Variants in DISP2 observed in about 807,000 individuals in gnomAD.
DISP2 encodes the protein dispatched RND transporter family member 2, also known as protein dispatched homolog 2.
DISP2 carries 59 observed loss-of-function variants against 95.5 expected under a neutral mutation model. The ratio of observed to expected loss-of-function variants is 0.62; its 90% CI spans 0.50 to 0.77. DISP2 has a LOEUF of 0.77. Among genes scored for constraint, DISP2 ranks in the 30% least tolerant of loss-of-function variants. The probability of loss-of-function intolerance (pLI) is 0.00; values close to 1 mark genes in which losing one functional copy is unlikely to be tolerated. For missense variants in DISP2, 1,752 were observed against 1,854.6 expected (o/e 0.94, Z 1.02); for synonymous variants, 827 against 815.0 (o/e 1.01, Z -0.25).
At position 40,363,715 on chromosome 15, in the gene DISP2, A is replaced by G; in HGVS notation, c.210A>G (p.Ser70=). ...CCCTGGAGGACCCTTCCAGCTCTTC[A>G]GGACCCCCACCAACAACTTCCACCC... ...SCPLEDPSSS[S]GPPPTTSTLQ... Residue 70 remains serine (S), a synonymous_variant, in exon 2 of 8, where the codon TCA becomes TCG. Coordinates refer to ENST00000267889, the MANE Select transcript of DISP2 (RefSeq NM_033510.3). The G allele has an allele frequency of 6.2e-7, 1 of 1,612,324 alleles. No homozygotes were observed. The highest frequency in any genetic ancestry group is 8.5e-7 in the Non-Finnish European group (1 of 1,179,070).
Position 40,364,454 on chromosome 15 carries a change from C to T in DISP2, c.513C>T (p.Ala171=), listed in dbSNP as rs765464880. ...AGCTGATTGCTGAGTGGCCAGTGGC[C>T]GTGCTGATGCTGTGTCTGGCTGTCA... ...YSQLIAEWPV[A]VLMLCLAVIF... is the part of the protein sequence containing the mutation. Residue 171 remains alanine, a synonymous_variant, in exon 4 of 8, where the codon GCC becomes GCT. Coordinates refer to ENST00000267889, the MANE Select transcript of DISP2 (RefSeq NM_033510.3). The T allele has an allele frequency of 4.3e-6, 7 of 1,613,892 alleles. No individual in the cohort carries two copies. Among genetic ancestry groups the T allele is most frequent in the East Asian group, 2.2e-5 (1 of 44,890 alleles).
At position 40,375,630 on chromosome 15, in the gene DISP2, C is replaced by G. The variant is rs904741845; in HGVS notation, c.*5312C>G. The stretch of plus-strand genomic sequence containing the variant: ...ACCAAAGCCACAACTTACCTACCCC[C>G]GCTCCTGCCTGCTCCTCTCCCCATC... On this transcript the variant is annotated 3_prime_UTR_variant, in exon 8 of 8. Transcript: ENST00000267889. 3.3e-5 allele frequency: 5 copies of G among 152,170 alleles called. No individual in the cohort carries two copies. Among genetic ancestry groups the G allele is most frequent in the Admixed American group, 1.3e-4 (2 of 15,278 alleles). The allele number at this position is 152,170 out of a possible 1,614,324, so 9.4% of individuals were successfully genotyped here.
At position 40,369,962 on chromosome 15, in the gene DISP2, TC is replaced by T. The variant is rs1889608464; in HGVS notation, c.3852del (p.Ser1285GlnfsTer16). The T allele has an allele frequency of 6.2e-7, 1 of 1,611,026 alleles. No individual in the cohort carries two copies. The highest frequency in any genetic ancestry group is 8.5e-7 in the Non-Finnish European group (1 of 1,178,534). On this transcript the variant is annotated frameshift_variant, in exon 8 of 8. Transcript: ENST00000267889. LOFTEE classifies it high-confidence loss of function. ...KAADPPDGFC[S>X]SASTLEGLSV... Reference sequence around the variant, plus strand: ...TGCAGATCCTCCTGATGGCTTCTGTTCCTCAGCCAGCACCCTGGAGGGGCTC... The same window carrying T: ...TGCAGATCCTCCTGATGGCTTCTGTTCTCAGCCAGCACCCTGGAGGGGCTC...
Position 40,368,349 on chromosome 15 carries a change from TCGAG to T in DISP2, c.2240_2243del (p.Glu747AlafsTer49), listed in dbSNP as rs1280393840. On this transcript the variant is annotated frameshift_variant, in exon 8 of 8. Coordinates refer to ENST00000267889, the MANE Select transcript of DISP2 (RefSeq NM_033510.3). LOFTEE classifies it high-confidence loss of function. ...CAGGTCTTCCGGCCCAGCCACCCCT[TCGAG>T]CGCTTCGACGCGGAGTATCGCCAGC... The T allele has an allele frequency of 6.2e-7, 1 of 1,605,418 alleles. No homozygotes were observed. The highest frequency in any genetic ancestry group is 1.1e-5 in the South Asian group (1 of 91,012).
rs548231940 is a variant in DISP2, at chr15:40,378,093, A to C, written c.*7775A>C. ...GAGCACCCAAAAATGTAAAATTCACAATGGCTGGTTTTCCAATAAAAAATT... is the reference window on the plus strand; with the variant it reads ...GAGCACCCAAAAATGTAAAATTCACCATGGCTGGTTTTCCAATAAAAAATT... On this transcript the variant is annotated 3_prime_UTR_variant, in exon 8 of 8. Transcript: ENST00000267889. The C allele has an allele frequency of 6.6e-6, 1 of 152,368 alleles. No individual in the cohort carries two copies. Among genetic ancestry groups the C allele is most frequent in the East Asian group, 1.9e-4 (1 of 5,194 alleles). The allele number at this position is 152,368 out of a possible 1,614,324, so 9.4% of individuals were successfully genotyped here. A position where few individuals can be genotyped will look rare whatever the true frequency, so the allele number is the denominator to read the frequency against.
At position 40,367,950 on chromosome 15, in the gene DISP2, C is replaced by T. The variant is rs780892506; in HGVS notation, c.1838C>T (p.Pro613Leu). 5.7e-6 allele frequency: 9 copies of T among 1,581,830 alleles called. No homozygotes were observed. The highest frequency in any genetic ancestry group is 2.3e-5 in the East Asian group (1 of 43,614). ...TATGCCAGCTACCTGAGCCGCCTGC[C>T]GGCCGTTCGCTGCCTCGCCCTCTTC... ...AFYASYLSRL[P>L]AVRCLALFMG... Residue 613 changes from proline (P) to leucine (L), a missense_variant, in exon 8 of 8, where the codon CCG becomes CTG. By Grantham distance (98) the Pro-to-Leu change is moderately conservative. Transcript: ENST00000267889.
In DISP2 at chr15:40,371,801, G is replaced by T. The variant is rs770129259; in HGVS notation, c.*1483G>T. 1 of 152,220 alleles carries T rather than the reference G, an allele frequency of 6.6e-6. No homozygotes were observed. The highest frequency in any genetic ancestry group is 1.5e-5 in the Non-Finnish European group (1 of 68,042). The allele number at this position is 152,220 out of a possible 1,614,324, so 9.4% of individuals were successfully genotyped here. ...TATGGTATTACAAGGGGACAGAGGT[G>T]TGGAAGAAAAATTGAACACCACCCT... On this transcript the variant is annotated 3_prime_UTR_variant, in exon 8 of 8. Transcript: ENST00000267889.
intron 1 of DISP2, 132 bp downstream of exon 1, chr15:40,358,572 C>T: frequency 7.6e-6 from 5 of 661,188 alleles, no homozygotes; most frequent in Non-Finnish European, 1.1e-5. Flanking sequence ...CCCGGGGTCG[C>T]CAAGCTCCAG....
Position 40,367,836 on chromosome 15 carries a change from C to G in DISP2, c.1724C>G (p.Ser575Trp). Residue 575 changes from serine (S) to tryptophan (W), a missense_variant, in exon 8 of 8, where the codon TCG becomes TGG. Ser to Trp is a radical substitution (Grantham distance 177). Around this residue, in one of 5 missense-constraint regions of DISP2, gnomAD observed 732 missense variants for 714.6 expected, o/e 1.02. Coordinates refer to ENST00000267889, the MANE Select transcript of DISP2 (RefSeq NM_033510.3). Reference protein sequence around the residue: ...LWRLSKSQLPSGGLAQRVGRT... With the variant: ...LWRLSKSQLPWGGLAQRVGRT... Reference sequence around the variant, plus strand: ...CGCCTTAGCAAGAGCCAGCTGCCGTCGGGGGGGCTGGCGCAGCGCGTGGGC... The same window carrying G: ...CGCCTTAGCAAGAGCCAGCTGCCGTGGGGGGGGCTGGCGCAGCGCGTGGGC... 6.2e-7 allele frequency: 1 copy of G among 1,601,502 alleles called. No individual in the cohort carries two copies. Among genetic ancestry groups the G allele is most frequent in the Non-Finnish European group, 8.5e-7 (1 of 1,179,858 alleles).
At position 40,358,255 on chromosome 15, in the gene DISP2, C is replaced by CCGCCGT. The variant is rs1215036136; in HGVS notation, c.-62_-61insTCGCCG. On this transcript the variant is annotated 5_prime_UTR_variant, in exon 1 of 8. Coordinates refer to ENST00000267889, the MANE Select transcript of DISP2 (RefSeq NM_033510.3). The stretch of plus-strand genomic sequence containing the variant: ...CACCCCGCCGCCGCTGCCGCCGCCA[C>CCGCCGT]CGCCGCCGCCGCCGCCGCCGCCGCG... 2 of 861,312 alleles carry CCGCCGT rather than the reference C, an allele frequency of 2.3e-6. No individual in the cohort carries two copies. Among genetic ancestry groups the CCGCCGT allele is most frequent in the African/African-American group, 4.8e-5 (2 of 42,024 alleles). 53.4% of individuals were successfully genotyped at this position (861,312 alleles called of 1,614,324 possible).
At position 40,371,039 on chromosome 15, in the gene DISP2, A is replaced by G. The variant is rs1889636727; in HGVS notation, c.*721A>G. On this transcript the variant is annotated 3_prime_UTR_variant, in exon 8 of 8. Coordinates refer to ENST00000267889, the MANE Select transcript of DISP2 (RefSeq NM_033510.3). ...TTTCCTGTGTTAATAAACAGTAATA[A>G]TCCTTTCCATCTCTGCACATTTTAG... 5.7e-6 allele frequency: 1 copy of G among 176,402 alleles called. No individual in the cohort carries two copies. Among genetic ancestry groups the G allele is most frequent in the African/African-American group, 2.3e-5 (1 of 42,642 alleles). 10.9% of individuals were successfully genotyped at this position (176,402 alleles called of 1,614,324 possible).
At chr15:40,364,071 G>C (rs1390597261) in intron 2 of DISP2, 117 bp downstream of exon 2, 1 of 1,471,996 alleles carries the variant, frequency 6.8e-7, no homozygotes, top group Non-Finnish European at 9.2e-7. Flanking sequence ...GATGCAACAG[G>C]AAGTAAGGGT....
At position 40,374,982 on chromosome 15, in the gene DISP2, C is replaced by A. The variant is rs149846376; in HGVS notation, c.*4664C>A. 3.3e-5 allele frequency: 5 copies of A among 152,272 alleles called. No individual in the cohort carries two copies. Among genetic ancestry groups the A allele is most frequent in the African/African-American group, 1.2e-4 (5 of 41,538 alleles). The allele number at this position is 152,272 out of a possible 1,614,324, so 9.4% of individuals were successfully genotyped here. ...ATGGGTAATGGCAAGCTCTTGGGAC[C>A]CCATGCCAAGCATCAAGATCCCATT... On this transcript the variant is annotated 3_prime_UTR_variant, in exon 8 of 8. Transcript: ENST00000267889.
Position 40,373,097 on chromosome 15 carries a change from C to G in DISP2, c.*2779C>G, listed in dbSNP as rs921178849. Reference sequence around the variant, plus strand: ...ATCCAGCCTGCCTCTCTAGCCCTGACTTTGGAATGTGGAACTTAAAGCACT... The same window carrying G: ...ATCCAGCCTGCCTCTCTAGCCCTGAGTTTGGAATGTGGAACTTAAAGCACT... On this transcript the variant is annotated 3_prime_UTR_variant, in exon 8 of 8. Transcript: ENST00000267889. 2 of 152,210 alleles carry G rather than the reference C, an allele frequency of 1.3e-5. No homozygotes were observed. Among genetic ancestry groups the G allele is most frequent in the East Asian group, 3.9e-4 (2 of 5,192 alleles). The allele number at this position is 152,210 out of a possible 1,614,324, so 9.4% of individuals were successfully genotyped here. A position where few individuals can be genotyped will look rare whatever the true frequency, so the allele number is the denominator to read the frequency against.
At position 40,367,542 on chromosome 15, in the gene DISP2, A is replaced by G. The variant is rs143680406; in HGVS notation, c.1430A>G (p.Lys477Arg). The stretch of plus-strand genomic sequence containing the variant: ...GTCACTGGCATGGACCTGGGCCTCA[A>G]GCAGGAGCTGCTGAGGCACTTCCTG... Reference protein sequence around the residue: ...TSVTGMDLGLKQELLRHFLVQ... With the variant: ...TSVTGMDLGLRQELLRHFLVQ... Residue 477 changes from lysine to arginine, a missense_variant, in exon 8 of 8, where the codon AAG (lysine) becomes AGG (arginine). Lys to Arg is a conservative substitution (Grantham distance 26). This residue lies in a region of DISP2 where 732 missense variants were observed against 714.6 expected (regional missense o/e 1.02). Transcript: ENST00000267889. 3.2e-5 allele frequency: 52 copies of G among 1,613,720 alleles called. No individual in the cohort carries two copies. The highest frequency in any genetic ancestry group is 2.5e-4 in the East Asian group (11 of 44,810).
At chr15:40,362,840 G>A (rs550376413) in intron 1 of DISP2, among the ~76,000 whole-genome samples, 14 of 152,330 alleles carry the variant, frequency 9.2e-5, no homozygotes, top group South Asian at 4.1e-4. Context: ...AGTGCAGCAC[G>A]TGCTCAATAA....
Position 40,368,270 on chromosome 15 carries a change from A to G in DISP2, c.2158A>G (p.Ile720Val), listed in dbSNP as rs1358320785. ...FAALAAGGAY[I>V]AGVSPRLRLP... The stretch of plus-strand genomic sequence containing the variant: ...AGCACTGGCGGCAGGGGGCGCCTAC[A>G]TCGCCGGAGTCAGCCCCCGCCTGCG... The change falls in exon 8 of 8, where the codon ATC becomes GTC. Residue 720 changes from isoleucine to valine, a missense_variant. Ile to Val is a conservative substitution (Grantham distance 29). Transcript: ENST00000267889. 8 of 1,608,954 alleles carry G rather than the reference A, an allele frequency of 5.0e-6. No individual in the cohort carries two copies. The highest frequency in any genetic ancestry group is 1.7e-6 in the Non-Finnish European group (2 of 1,178,468).
At position 40,367,980 on chromosome 15, in the gene DISP2, G is replaced by A. The variant is rs866714207; in HGVS notation, c.1868G>A (p.Gly623Asp). Residue 623 changes from glycine to aspartate, a missense_variant, in exon 8 of 8, where the codon GGC (glycine) becomes GAC (aspartate). By Grantham distance (94) the Gly-to-Asp change is moderately conservative (BLOSUM62 -1). Around this residue, in one of 5 missense-constraint regions of DISP2, gnomAD observed 732 missense variants for 714.6 expected, o/e 1.02. Transcript: ENST00000267889. ...PAVRCLALFM[G>D]TAVLVHLALT... ...GTTCGCTGCCTCGCCCTCTTCATGG[G>A]CACGGCTGTGCTGGTGCACCTGGCG... 1 of 1,554,708 alleles carries A rather than the reference G, an allele frequency of 6.4e-7. No individual in the cohort carries two copies.
At position 40,372,878 on chromosome 15, in the gene DISP2, G is replaced by T. The variant is rs1288284755; in HGVS notation, c.*2560G>T. ...GAGCACACCCGAGGGCCCTACCTGG[G>T]GATTTCCAGGTCATATTCTTGCAGG... On this transcript the variant is annotated 3_prime_UTR_variant, in exon 8 of 8. Transcript: ENST00000267889. 1.3e-5 allele frequency: 2 copies of T among 152,194 alleles called. No homozygotes were observed. The highest frequency in any genetic ancestry group is 3.9e-4 in the East Asian group (2 of 5,192). The allele number at this position is 152,194 out of a possible 1,614,324, so 9.4% of individuals were successfully genotyped here. A position where few individuals can be genotyped will look rare whatever the true frequency, so the allele number is the denominator to read the frequency against.
Sources: allele counts gnomAD v4.1 joint callset (sites outside exome capture counted in the v4.1 genomes callset), GRCh38; gene constraint gnomAD v4.1.1; regional missense constraint gnomAD v4.1.1; transcripts MANE v1.5; gene names NCBI Gene and HGNC (gene_info 2026-07-23, HGNC 2026-07-21).